Variants in DLGAP4 observed in about 807,000 individuals in gnomAD.
The protein encoded by DLGAP4 is DLG associated protein 4.
In DLGAP4, 18 loss-of-function variants were observed where a neutral mutation model predicts 86.9. That is an observed-to-expected ratio of 0.21 (90% CI 0.14 to 0.31). DLGAP4 has a LOEUF of 0.31. Among genes scored for constraint, DLGAP4 ranks in the 10% least tolerant of loss-of-function variants. DLGAP4 has a pLI of 1.00. For missense variants in DLGAP4, 1,085 were observed against 1,362.6 expected, an observed-to-expected ratio of 0.80 and a Z score of 3.21; for synonymous variants, 548 against 574.3, an observed-to-expected ratio of 0.95 and a Z score of 0.65.
chr20:36,361,443 T>C (rs1486053599), intron 1 of DLGAP4, among the ~76,000 whole-genome samples: 1 of 152,200 alleles, frequency 6.6e-6, no homozygotes, highest in East Asian at 1.9e-4. Context: ...GTTTGTTTTT[T>C]GTGTCAGCAA....
intron 1 of DLGAP4, among the ~76,000 whole-genome samples, chr20:36,309,802 A>G (rs1164300650): frequency 6.6e-6 from 1 of 152,106 alleles, no homozygotes; most frequent in Non-Finnish European, 1.5e-5. Flanking sequence ...TTGGGCTACT[A>G]GTGCTTCCTG....
At chr20:36,336,517 A>G (rs2065323853) in intron 1 of DLGAP4, among the ~76,000 whole-genome samples, 1 of 151,846 alleles carries the variant, frequency 6.6e-6, no homozygotes, top group Non-Finnish European at 1.5e-5. Flanking sequence ...CATCTTTCCC[A>G]CCGGACTTCA....
intron 2 of DLGAP4, among the ~76,000 whole-genome samples, chr20:36,388,577 G>C (rs1401831940): frequency 1.3e-5 from 2 of 152,090 alleles, no homozygotes; most frequent in Non-Finnish European, 1.5e-5. Context: ...CAGGCAGCGT[G>C]GTATGTTTGA....
At chr20:36,454,494 A>G (rs1307413691) in intron 7 of DLGAP4, among the ~76,000 whole-genome samples, 1 of 152,072 alleles carries the variant, frequency 6.6e-6, no homozygotes, top group Non-Finnish European at 1.5e-5. Flanking sequence ...GAGCCTGCCC[A>G]AAATCACTCC....
In DLGAP4 at chr20:36,525,408, T is replaced by A. The variant is rs2076692; in HGVS notation, c.2605-443T>A. The A allele has an allele frequency of 7.5e-3, 1,643 of 219,552 alleles. 27 individuals carry two copies. The highest frequency in any genetic ancestry group is 0.051 in the East Asian group (480 of 9,326). 13.6% of individuals were successfully genotyped at this position (219,552 alleles called of 1,614,324 possible). ...CCAGCGGGAGGCAGTGGAGTGAGTG[T>A]TTGTCTCCAAGACCTACAGAGACTT... On this transcript the variant is annotated intron_variant, in intron 11 of 12. Coordinates refer to ENST00000339266, the MANE Select transcript of DLGAP4 (RefSeq NM_001365621.2).
At chr20:36,342,956 A>T (rs2065398801) in intron 1 of DLGAP4, among the ~76,000 whole-genome samples, 1 of 152,080 alleles carries the variant, frequency 6.6e-6, no homozygotes, top group Non-Finnish European at 1.5e-5. Context: ...TGGAGGTGGG[A>T]CAGAGGCTGG....
chr20:36,493,104 G>C (rs1382804658), intron 7 of DLGAP4: 1 of 152,030 alleles, frequency 6.6e-6, no homozygotes, highest in Non-Finnish European at 1.5e-5. Context: ...CCAAGCCTAG[G>C]CCTGGCCCAG....
At chr20:36,524,433 TC>T (rs2037575366) in intron 11 of DLGAP4, 92 bp downstream of exon 11, 1 of 1,040,614 alleles carries the variant, frequency 9.6e-7, no homozygotes, top group African/African-American at 1.6e-5. Flanking sequence ...TGTGCCCTCC[TC>T]TGTAACACAC....
At chr20:36,433,691 G>T (rs1352376277) in intron 3 of DLGAP4, among the ~76,000 whole-genome samples, 1 of 150,932 alleles carries the variant, frequency 6.6e-6, no homozygotes, top group Non-Finnish European at 1.5e-5. Context: ...CACTCTTGTT[G>T]CCCAGGCTGG....
At chr20:36,423,188 A>G (rs1421188545) in intron 2 of DLGAP4, among the ~76,000 whole-genome samples, 1 of 152,184 alleles carries the variant, frequency 6.6e-6, no homozygotes, top group Non-Finnish European at 1.5e-5. Context: ...GGGGTCTGGC[A>G]TGGTGGCTCA....
intron 1 of DLGAP4, among the ~76,000 whole-genome samples, chr20:36,327,692 C>T (rs1379011683): frequency 1.8e-4 from 26 of 145,884 alleles, no homozygotes; most frequent in East Asian, 1.0e-3. Flanking sequence ...CCTGGGTTCA[C>T]GCCATTCTCC....
rs2037803912 is a variant in DLGAP4 at position 36,526,851 on chromosome 20, A to G, written c.2799A>G (p.Pro933=). The change falls in exon 13 of 13, where the codon CCA becomes CCG. Residue 933 remains proline (P), a synonymous_variant. Transcript: ENST00000339266. ...CACCCCCTCCGGTCCCAAAGAAGCCAGCCAAATCCAAGCCGGCAGTGAGCC... is the reference window on the plus strand; with the variant it reads ...CACCCCCTCCGGTCCCAAAGAAGCCGGCCAAATCCAAGCCGGCAGTGAGCC... ...KKPPPPVPKK[P]AKSKPAVSRD... The G allele has an allele frequency of 3.1e-6, 5 of 1,611,966 alleles. No homozygotes were observed. Among genetic ancestry groups the G allele is most frequent in the African/African-American group, 1.3e-5 (1 of 74,826 alleles).
chr20:36,419,862 C>T (rs1038770150), intron 2 of DLGAP4, among the ~76,000 whole-genome samples: 7 of 152,176 alleles, frequency 4.6e-5, no homozygotes, highest in South Asian at 2.1e-4. Context: ...TTGGTGACAC[C>T]GGTCAACCCT....
At chr20:36,494,984 G>GTTTTTTTTTTTTTTTTTTTT (rs752411826) in intron 7 of DLGAP4, among the ~76,000 whole-genome samples, 1 of 75,404 alleles carries the variant, frequency 1.3e-5, no homozygotes, top group Admixed American at 2.1e-4. Context: ...TTTTTGTTCG[G>GTTTTTTTTTTTTTTTTTTTT]TTTTTTTTTT....
At chr20:36,453,875 G>A (rs1225188323) in intron 7 of DLGAP4, among the ~76,000 whole-genome samples, 1 of 146,732 alleles carries the variant, frequency 6.8e-6, no homozygotes, top group Non-Finnish European at 1.5e-5. Context: ...GGAGGTTGCA[G>A]TGAGCCGGGA....
intron 1 of DLGAP4, among the ~76,000 whole-genome samples, chr20:36,314,187 G>A (rs1454911615): frequency 1.3e-5 from 2 of 151,392 alleles, no homozygotes; most frequent in East Asian, 2.0e-4. Context: ...TGGGGGTGTC[G>A]ACTAGACCTG....
rs1175722895 is a variant in DLGAP4 at position 36,500,400 on chromosome 20, C to T, written c.2301C>T (p.Asn767=). 1.3e-6 allele frequency: 2 copies of T among 1,595,980 alleles called. No individual in the cohort carries two copies. Among genetic ancestry groups the T allele is most frequent in the Non-Finnish European group, 8.5e-7 (1 of 1,170,850 alleles). ...QIKRNLSYGD[N]SDPALEASSL... is the part of the protein sequence containing the mutation. ...AGCGCAACCTCTCCTATGGAGACAA[C>T]AGCGACCCTGCCCTAGAGGCGTCCT... The change falls in exon 10 of 13, where the codon AAC becomes AAT. Residue 767 remains asparagine (N), a synonymous_variant. Coordinates refer to ENST00000339266, the MANE Select transcript of DLGAP4 (RefSeq NM_001365621.2). The surrounding 1 kb of genome is among the most constrained non-coding windows in gnomAD (Gnocchi z 4.6).
At chr20:36,465,795 A>G (rs2034323981) in intron 7 of DLGAP4, among the ~76,000 whole-genome samples, 1 of 152,082 alleles carries the variant, frequency 6.6e-6, no homozygotes, top group South Asian at 2.1e-4. Flanking sequence ...GTGGTTCTGT[A>G]TGTATTTCTT....
At chr20:36,434,279 T>C (rs978452610) in intron 3 of DLGAP4, among the ~76,000 whole-genome samples, 6 of 152,210 alleles carry the variant, frequency 3.9e-5, no homozygotes, top group Admixed American at 3.3e-4. Flanking sequence ...CTTCGGGGTC[T>C]AACAAAGCGC....
Sources: allele counts gnomAD v4.1 joint callset (sites outside exome capture counted in the v4.1 genomes callset), GRCh38; gene constraint gnomAD v4.1.1; non-coding constraint Gnocchi (gnomAD v3.1); transcripts MANE v1.5; gene names NCBI Gene and HGNC (gene_info 2026-07-23, HGNC 2026-07-21).